The following GJA3 variants were observed in gnomAD, a reference collection of about 807,000 sequenced individuals.
GJA3 encodes gap junction alpha-3 protein.
For synonymous variants in GJA3, 297 were observed against 292.6 expected, an observed-to-expected ratio of 1.02 and a Z score of -0.15; for missense variants, 571 against 620.3, an observed-to-expected ratio of 0.92 and a Z score of 0.84.
Position 20,142,641 on chromosome 13 carries a change from C to T in GJA3, c.648G>A (p.Leu216=), listed in dbSNP as rs780972084. ...GGTGGTAGATCTCCAGCATGTTGAG[C>T]AGCAGGGACGCGCAGGCCACCGCCA... is the stretch of plus-strand genomic sequence containing the variant. ...FMLAVACASL[L]LNMLEIYHLG... is the part of the protein sequence containing the mutation. Residue 216 remains leucine (L), a synonymous_variant, in exon 2 of 2, where the codon CTG becomes CTA. Coordinates refer to ENST00000241125, the MANE Select transcript of GJA3 (RefSeq NM_021954.4). 1 of 1,613,524 alleles carries T rather than the reference C, an allele frequency of 6.2e-7. No homozygotes were observed. Among genetic ancestry groups the T allele is most frequent in the Non-Finnish European group, 8.5e-7 (1 of 1,179,930 alleles).
At chr13:20,154,893 C>T (rs1958899058) in intron 1 of GJA3, among the ~76,000 whole-genome samples, 1 of 152,168 alleles carries the variant, frequency 6.6e-6, no homozygotes, top group Admixed American at 6.5e-5. Context: ...CTCTGTCACT[C>T]AGGATGGAAT....
chr13:20,142,244 G>T lies in GJA3; in HGVS notation c.1045C>A (p.Pro349Thr). 1 of 1,539,730 alleles carries T rather than the reference G, an allele frequency of 6.5e-7. No homozygotes were observed. Among genetic ancestry groups the T allele is most frequent in the East Asian group, 2.5e-5 (1 of 40,074 alleles). Residue 349 changes from proline to threonine, a missense_variant, in exon 2 of 2, where the codon CCT (proline) becomes ACT (threonine). Coordinates refer to ENST00000241125, the MANE Select transcript of GJA3 (RefSeq NM_021954.4). ...ALKAYPAAST[P>T]AAPSPVGSSS... Reference sequence around the variant, plus strand: ...CTGCCGACGGGGCTGGGGGCTGCAGGCGTGGACGCTGCCGGGTAAGCCTTG... The same window carrying T: ...CTGCCGACGGGGCTGGGGGCTGCAGTCGTGGACGCTGCCGGGTAAGCCTTG...
intron 1 of GJA3, among the ~76,000 whole-genome samples, chr13:20,157,895 A>G (rs1354989158): frequency 6.7e-6 from 1 of 150,142 alleles, no homozygotes; most frequent in Admixed American, 6.7e-5. Flanking sequence ...TTTTTCTGTC[A>G]CACTTATGGC....
intron 1 of GJA3, among the ~76,000 whole-genome samples, chr13:20,159,001 C>T (rs1460595740): frequency 6.6e-6 from 1 of 150,554 alleles, no homozygotes; most frequent in African/African-American, 2.4e-5. Flanking sequence ...GAATTTTCCA[C>T]CACTGTAGGA....
intron 1 of GJA3, among the ~76,000 whole-genome samples, chr13:20,160,573 A>C (rs1958931068): frequency 6.6e-6 from 1 of 152,224 alleles, no homozygotes; most frequent in South Asian, 2.1e-4. Flanking sequence ...AAAACAACTT[A>C]AACTCGGCCT....
intron 1 of GJA3, among the ~76,000 whole-genome samples, chr13:20,145,461 C>T (rs1161709473): frequency 6.6e-6 from 1 of 152,160 alleles, no homozygotes; most frequent in Non-Finnish European, 1.5e-5. Context: ...CACTTGAAAC[C>T]ACCCAGTCAC....
rs1344421777 is a variant in GJA3, at chr13:20,142,176, C to T, written c.1113G>A (p.Ala371=). ...PLAHEAEAGA[A]PLLLDGSGSS... ...TGCCGCTCCCATCCAGCAGCAGGGG[C>T]GCCGCGCCCGCCTCAGCCTCGTGCG... is the stretch of plus-strand genomic sequence containing the variant. Residue 371 remains alanine, a synonymous_variant, in exon 2 of 2, where the codon GCG becomes GCA. Transcript: ENST00000241125. 5 of 1,511,366 alleles carry T rather than the reference C, an allele frequency of 3.3e-6. No homozygotes were observed. Among genetic ancestry groups the T allele is most frequent in the East Asian group, 5.0e-5 (2 of 39,758 alleles). 93.6% of individuals were successfully genotyped at this position (1,511,366 alleles called of 1,614,324 possible).
At chr13:20,151,410 G>A (rs1430807539) in intron 1 of GJA3, among the ~76,000 whole-genome samples, 1 of 152,204 alleles carries the variant, frequency 6.6e-6, no homozygotes, top group African/African-American at 2.4e-5. Flanking sequence ...CCCCAAAGGG[G>A]TGCCTCCAGC....
Position 20,147,000 on chromosome 13 carries a change from C to T in GJA3, c.-17-3695G>A, listed in dbSNP as rs148892775. ...GGAAATGTTTGCTTCTTCATCCTCC[C>T]TTGTGGCTGGAGGTGAATAGAAAAG... is the stretch of plus-strand genomic sequence containing the variant. On this transcript the variant is annotated intron_variant, in intron 1 of 1. Transcript: ENST00000241125. Among the ~76,000 whole-genome samples the T allele has an allele frequency of 2.0e-3, 299 of 152,328 alleles. 1 individual carries two copies. Among genetic ancestry groups the T allele is most frequent in the African/African-American group, 6.9e-3 (285 of 41,564 alleles).
Position 20,141,757 on chromosome 13 carries a change from A to G in GJA3, c.*224T>C, listed in dbSNP as rs1958808137. The G allele has an allele frequency of 1.6e-6, 1 of 643,598 alleles. No homozygotes were observed. The highest frequency in any genetic ancestry group is 2.5e-6 in the Non-Finnish European group (1 of 398,244). 39.9% of individuals were successfully genotyped at this position (643,598 alleles called of 1,614,324 possible). A position where few individuals can be genotyped will look rare whatever the true frequency, so the allele number is the denominator to read the frequency against. ...CACAACCCTTGTCCCCGCCACCCCC[A>G]AACTCAGAAAGTGGGAGTTATCCCC... is the stretch of plus-strand genomic sequence containing the variant. On this transcript the variant is annotated 3_prime_UTR_variant, in exon 2 of 2. Transcript: ENST00000241125.
rs80151650 is a variant in GJA3, at chr13:20,144,274, G to T, written c.-17-969C>A. 2.6e-4 allele frequency among the ~76,000 whole-genome samples: 39 copies of T among 152,328 alleles called. 1 individual carries two copies. In the East Asian group the frequency reaches 7.5e-3, roughly 29 times the overall value. Reference sequence around the variant, plus strand: ...GATGGGGGCAGAGGAAGCACTTGGGGTGAACCGAGCTTGAGGATCCTGTGA... The same window carrying T: ...GATGGGGGCAGAGGAAGCACTTGGGTTGAACCGAGCTTGAGGATCCTGTGA... On this transcript the variant is annotated intron_variant, in intron 1 of 1. Coordinates refer to ENST00000241125, the MANE Select transcript of GJA3 (RefSeq NM_021954.4).
chr13:20,142,656 G>A lies in GJA3; in HGVS notation c.633C>T (p.Ala211=), dbSNP rs1421538819. Residue 211 remains alanine, a synonymous_variant, in exon 2 of 2, where the codon GCC becomes GCT. Coordinates refer to ENST00000241125, the MANE Select transcript of GJA3 (RefSeq NM_021954.4). ...GCATGTTGAGCAGCAGGGACGCGCA[G>A]GCCACCGCCAGCATGAAGATGATGA... ...TIFIIFMLAV[A]CASLLLNMLE... is the part of the protein sequence containing the mutation. 1 of 1,613,824 alleles carries A rather than the reference G, an allele frequency of 6.2e-7. No homozygotes were observed. The highest frequency in any genetic ancestry group is 1.1e-5 in the South Asian group (1 of 91,090).
intron 1 of GJA3, among the ~76,000 whole-genome samples, chr13:20,148,187 G>A (rs906363484): frequency 5.3e-5 from 8 of 151,520 alleles, no homozygotes; most frequent in African/African-American, 1.5e-4. Flanking sequence ...TCCCTTCGCC[G>A]TCAGACTTTA....
chr13:20,149,674 G>C (rs1360296435), intron 1 of GJA3, among the ~76,000 whole-genome samples: 1 of 152,202 alleles, frequency 6.6e-6, no homozygotes, highest in Non-Finnish European at 1.5e-5. Context: ...CTGGGATTAG[G>C]AGTTGCAGTT....
intron 1 of GJA3, among the ~76,000 whole-genome samples, chr13:20,145,178 T>C (rs1958834756): frequency 6.6e-6 from 1 of 152,126 alleles, no homozygotes; most frequent in South Asian, 2.1e-4. Flanking sequence ...CAACAGTCCA[T>C]CTCAAAAAAA....
intron 1 of GJA3, among the ~76,000 whole-genome samples, chr13:20,157,316 T>C (rs2141146121): frequency 6.6e-6 from 1 of 152,180 alleles, no homozygotes; most frequent in Non-Finnish European, 1.5e-5. Flanking sequence ...TCTGAACAGA[T>C]GACCAAACAC....
rs747533109 is a variant in GJA3, at chr13:20,138,945, G to C, written c.*3036C>G. On this transcript the variant is annotated 3_prime_UTR_variant, in exon 2 of 2. Coordinates refer to ENST00000241125, the MANE Select transcript of GJA3 (RefSeq NM_021954.4). ...GTTTAAATTATATTCATAGTTATTA[G>C]TCCAGGTATTCTTGTGTAGGAATTC... is the stretch of plus-strand genomic sequence containing the variant. 1.3e-5 allele frequency: 2 copies of C among 152,134 alleles called. No individual in the cohort carries two copies. Among genetic ancestry groups the C allele is most frequent in the Non-Finnish European group, 2.9e-5 (2 of 68,014 alleles). The allele number at this position is 152,134 out of a possible 1,614,324, so 9.4% of individuals were successfully genotyped here.
intron 1 of GJA3, among the ~76,000 whole-genome samples, chr13:20,152,488 G>A (rs377213394): frequency 1.3e-5 from 2 of 152,044 alleles, no homozygotes; most frequent in Admixed American, 6.6e-5. Flanking sequence ...GGGTTCAGGC[G>A]ATTCTTGTGC....
rs375854334 is a variant in GJA3 at position 20,138,521 on chromosome 13, G to C, written c.*3460C>G. The C allele has an allele frequency of 2.0e-5, 3 of 152,172 alleles. No individual in the cohort carries two copies. The highest frequency in any genetic ancestry group is 7.2e-5 in the African/African-American group (3 of 41,434). 9.4% of individuals were successfully genotyped at this position (152,172 alleles called of 1,614,324 possible). On this transcript the variant is annotated 3_prime_UTR_variant, in exon 2 of 2. Transcript: ENST00000241125. ...TAAAGGGGAAAAAATATTTTGGGCAGTCAGAAACCTTAAAGTGAGTCAACC... is the reference window on the plus strand; with the variant it reads ...TAAAGGGGAAAAAATATTTTGGGCACTCAGAAACCTTAAAGTGAGTCAACC...
Sources: gnomAD v4.1 joint callset for allele counts (sites outside exome capture counted in the v4.1 genomes callset) on GRCh38, gnomAD v4.1.1 for gene constraint, MANE v1.5 for transcripts, NCBI Gene and HGNC (gene_info 2026-07-23, HGNC 2026-07-21) for gene names.